GABRB3: variants seen among roughly 807,000 people sequenced by gnomAD.
GABRB3 encodes the protein gamma-aminobutyric acid type A receptor subunit beta3.
In GABRB3, 14 loss-of-function variants were observed where a neutral mutation model predicts 52.1. That is an observed-to-expected ratio of 0.27 (90% CI 0.18 to 0.42). GABRB3 has a LOEUF of 0.42. Among genes scored for constraint, GABRB3 ranks in the 10% least tolerant of loss-of-function variants. The pLI, the probability that GABRB3 is intolerant of heterozygous loss-of-function variation, is 1.00. For missense variants in GABRB3, 307 were observed against 609.1 expected, an observed-to-expected ratio of 0.50 and a Z score of 5.22; for synonymous variants, 260 against 232.3, an observed-to-expected ratio of 1.12 and a Z score of -1.08.
chr15:26,724,404 T>A lies in GABRB3; in HGVS notation c.240+47998A>T, dbSNP rs536218018. Among the ~76,000 whole-genome samples the A allele has an allele frequency of 4.6e-5, 7 of 152,284 alleles. No individual in the cohort carries two copies. In the South Asian group the frequency reaches 1.4e-3, roughly 32 times the overall value. On this transcript the variant is annotated intron_variant, in intron 3 of 8. Coordinates refer to ENST00000311550, the MANE Select transcript of GABRB3 (RefSeq NM_000814.6). ...AAGGTCAGAAATGCCTCATTATATA[T>A]CCTTTCCCTTGCTAACCACCTTTCT...
intron 3 of GABRB3, among the ~76,000 whole-genome samples, chr15:26,742,232 C>T (rs74004664): frequency 0.018 from 2,725 of 152,222 alleles, 89 homozygotes; most frequent in African/African-American, 0.062. Flanking sequence ...TTGGGTCCTT[C>T]CCAGGACTGG....
chr15:26,626,640 G>A (rs572026503), intron 3 of GABRB3, among the ~76,000 whole-genome samples: 9 of 152,290 alleles, frequency 5.9e-5, no homozygotes, highest in South Asian at 2.1e-4. Flanking sequence ...CAGCCATAAC[G>A]TTCCCTTAAG....
chr15:26,582,934 C>T (rs895379036), intron 5 of GABRB3, among the ~76,000 whole-genome samples: 2 of 152,058 alleles, frequency 1.3e-5, no homozygotes, highest in Non-Finnish European at 2.9e-5. Context: ...AGAAAATTGC[C>T]GAGATGCAGA....
At chr15:26,698,481 C>A (rs1888816754) in intron 3 of GABRB3, among the ~76,000 whole-genome samples, 2 of 152,130 alleles carry the variant, frequency 1.3e-5, no homozygotes, top group African/African-American at 4.8e-5. Flanking sequence ...GCTCTGCAAA[C>A]ATAAACAACA....
intron 3 of GABRB3, among the ~76,000 whole-genome samples, chr15:26,687,783 T>C (rs1191145311): frequency 6.6e-6 from 1 of 152,242 alleles, no homozygotes; most frequent in East Asian, 1.9e-4. Context: ...ACCTGCTGAC[T>C]GAAAGTTTTA....
intron 3 of GABRB3, among the ~76,000 whole-genome samples, chr15:26,650,178 A>AC (rs1458640385): frequency 1.3e-5 from 2 of 152,088 alleles, no homozygotes; most frequent in African/African-American, 2.4e-5. Context: ...CATGTACATC[A>AC]CCCCACCACC....
At chr15:26,688,720 A>C (rs886101539) in intron 3 of GABRB3, among the ~76,000 whole-genome samples, 3 of 152,302 alleles carry the variant, frequency 2.0e-5, no homozygotes, top group African/African-American at 7.2e-5. Context: ...CATAGAAGTC[A>C]CTTTTGAGGA....
chr15:26,583,265 C>T (rs1055114499), intron 5 of GABRB3, 67 bp downstream of exon 5: 7 of 1,338,120 alleles, frequency 5.2e-6, no homozygotes, highest in Admixed American at 3.4e-5. Context: ...AAAAAAGATG[C>T]TAAATAATGA....
chr15:26,735,730 C>A (rs928783617), intron 3 of GABRB3, among the ~76,000 whole-genome samples: 2 of 152,114 alleles, frequency 1.3e-5, no homozygotes, highest in Non-Finnish European at 2.9e-5. Context: ...AAAAGGATCG[C>A]TTGAGCCCAA....
At chr15:26,579,003 T>C (rs903067725) in intron 6 of GABRB3, among the ~76,000 whole-genome samples, 1 of 152,212 alleles carries the variant, frequency 6.6e-6, no homozygotes, top group Non-Finnish European at 1.5e-5. Flanking sequence ...GAGGATAAAG[T>C]GGCACTGCAT....
At chr15:26,712,372 T>C (rs533668842) in intron 3 of GABRB3, among the ~76,000 whole-genome samples, 6 of 151,918 alleles carry the variant, frequency 3.9e-5, no homozygotes, top group African/African-American at 1.2e-4. Flanking sequence ...CTGGCTACTA[T>C]GTAAGAAGCA....
At chr15:26,607,934 G>C (rs1372403937) in intron 4 of GABRB3, among the ~76,000 whole-genome samples, 1 of 151,918 alleles carries the variant, frequency 6.6e-6, no homozygotes, top group East Asian at 1.9e-4. Flanking sequence ...TCAAAATTCT[G>C]ATGTAGTTTT....
intron 3 of GABRB3, among the ~76,000 whole-genome samples, chr15:26,632,562 A>G (rs2140560297): frequency 6.6e-6 from 1 of 152,358 alleles, no homozygotes; most frequent in African/African-American, 2.4e-5. Flanking sequence ...GGACAAATAC[A>G]TTGTACTGTG....
intron 3 of GABRB3, among the ~76,000 whole-genome samples, chr15:26,755,389 T>A (rs2140176660): frequency 6.6e-6 from 1 of 152,308 alleles, no homozygotes; most frequent in Middle Eastern, 3.4e-3. Flanking sequence ...CTGCGGAAAT[T>A]AGAATTAGTC....
intron 8 of GABRB3, among the ~76,000 whole-genome samples, chr15:26,556,364 G>A (rs187654114): frequency 5.9e-5 from 9 of 152,228 alleles, no homozygotes; most frequent in East Asian, 1.9e-4. Context: ...AAATACTGTC[G>A]TTTTAGAAGA....
intron 3 of GABRB3, among the ~76,000 whole-genome samples, chr15:26,675,425 G>C (rs1422071397): frequency 6.6e-6 from 1 of 152,110 alleles, no homozygotes. Context: ...CCCCTACCTT[G>C]TGTGTCTGTG....
intron 3 of GABRB3, among the ~76,000 whole-genome samples, chr15:26,674,339 T>G (rs1198470240): frequency 7.3e-6 from 1 of 136,558 alleles, no homozygotes; most frequent in Non-Finnish European, 1.5e-5. Context: ...AGGCGAAGGC[T>G]GCAGTGAGCC....
chr15:26,712,983 A>G (rs138651796), intron 3 of GABRB3, among the ~76,000 whole-genome samples: 1,884 of 152,296 alleles, frequency 0.012, 23 homozygotes, highest in Non-Finnish European at 0.016. Flanking sequence ...AGGCAGACGG[A>G]GGGGCGAGGT....
At chr15:26,645,238 C>A (rs1284688046) in intron 3 of GABRB3, among the ~76,000 whole-genome samples, 1 of 152,176 alleles carries the variant, frequency 6.6e-6, no homozygotes, top group Non-Finnish European at 1.5e-5. Flanking sequence ...GAGACCATGT[C>A]TCCCCCTCCA....
Sources: gnomAD v4.1 joint callset for allele counts (sites outside exome capture counted in the v4.1 genomes callset) on GRCh38, gnomAD v4.1.1 for gene constraint, MANE v1.5 for transcripts, NCBI Gene and HGNC (gene_info 2026-07-23, HGNC 2026-07-21) for gene names.